The following TANC2 variants were observed in gnomAD, a reference collection of about 807,000 sequenced individuals.
TANC2 encodes tetratricopeptide repeat, ankyrin repeat and coiled-coil containing 2, also known as protein TANC2.
A neutral mutation model predicts 210.5 loss-of-function variants in TANC2; 26 were observed. The ratio of observed to expected loss-of-function variants is 0.12; its 90% CI spans 0.09 to 0.17. TANC2 has a LOEUF of 0.17. TANC2 is among the 10% of genes least tolerant of loss of function. The pLI is 1.00. For missense variants in TANC2, 2,129 were observed against 2,608.9 expected (o/e 0.82, Z 4.01); for synonymous variants, 931 against 967.1 (o/e 0.96, Z 0.69).
intron 11 of TANC2, among the ~76,000 whole-genome samples, chr17:63,333,736 G>A (rs1050576636): frequency 2.6e-5 from 4 of 152,080 alleles, no homozygotes; most frequent in African/African-American, 9.7e-5. Context: ...GCCAATTAAT[G>A]CAGCAAACTT....
intron 14 of TANC2, among the ~76,000 whole-genome samples, chr17:63,363,072 G>A (rs2047012381): frequency 1.3e-5 from 2 of 152,090 alleles, no homozygotes; most frequent in Admixed American, 1.3e-4. Flanking sequence ...ATTTTAACTG[G>A]GATGAGATGA....
chr17:63,036,664 G>A (rs904947430), intron 2 of TANC2, among the ~76,000 whole-genome samples: 11 of 152,012 alleles, frequency 7.2e-5, no homozygotes, highest in African/African-American at 2.7e-4. Context: ...GATTTGGGGT[G>A]GAATTACATT....
intron 1 of TANC2, among the ~76,000 whole-genome samples, chr17:62,997,814 C>T (rs2033188858): frequency 6.6e-6 from 1 of 151,584 alleles, no homozygotes; most frequent in African/African-American, 2.4e-5. Flanking sequence ...GAAACCAGGT[C>T]AAAAATAAGA....
chr17:63,067,440 A>T (rs1427843153), intron 2 of TANC2, among the ~76,000 whole-genome samples: 2 of 151,978 alleles, frequency 1.3e-5, no homozygotes, highest in Non-Finnish European at 2.9e-5. Flanking sequence ...AAAGTCTTAA[A>T]TTTTTATCTC....
At chr17:63,397,933 A>C (rs73327738) in intron 18 of TANC2, among the ~76,000 whole-genome samples, 3,207 of 152,342 alleles carry the variant, frequency 0.021, 104 homozygotes, top group African/African-American at 0.072. Flanking sequence ...GATAATCAGC[A>C]AAACAGCTAC....
intron 14 of TANC2, among the ~76,000 whole-genome samples, chr17:63,369,396 A>G (rs563287377): frequency 5.9e-4 from 90 of 152,256 alleles, no homozygotes; most frequent in Middle Eastern, 3.4e-3. Context: ...CATGTTGGCT[A>G]GGAATGAGTG....
At chr17:63,098,474 ACACACATACACTCTCTCTCTCTCT>A (rs2037484563) in intron 3 of TANC2, among the ~76,000 whole-genome samples, 1 of 40,082 alleles carries the variant, frequency 2.5e-5, no homozygotes, top group Non-Finnish European at 4.9e-5. Flanking sequence ...ACACACACAC[ACACACATACACTCTCTCTCTCTCT>A]CTCTCTCTCT....
intron 14 of TANC2, among the ~76,000 whole-genome samples, chr17:63,374,983 T>C (rs1220584667): frequency 6.6e-6 from 1 of 152,036 alleles, no homozygotes; most frequent in East Asian, 1.9e-4. Flanking sequence ...GCTACTACGT[T>C]TTATGCCTGA....
At chr17:63,328,384 GTGTGTGTGTGTGTGTGTGTGTGTATTCAT>G (rs2045724748) in intron 11 of TANC2, among the ~76,000 whole-genome samples, 1 of 150,268 alleles carries the variant, frequency 6.7e-6, no homozygotes, top group African/African-American at 2.5e-5. Flanking sequence ...ATATGTGTGT[GTGTGTGTGTGTGTGTGTGTGTGTATTCAT>G]TGTGTGTGTG....
intron 1 of TANC2, chr17:62,978,720 AG>A (rs1471571278): frequency 1.3e-5 from 2 of 152,236 alleles, no homozygotes; most frequent in Non-Finnish European, 2.9e-5. Flanking sequence ...AATCTTTTCG[AG>A]GACTTTTTTG....
chr17:63,278,154 T>G (rs2043942780), intron 9 of TANC2, among the ~76,000 whole-genome samples: 1 of 152,146 alleles, frequency 6.6e-6, no homozygotes, highest in African/African-American at 2.4e-5. Context: ...AGGACCTGTC[T>G]TAAGGAGAAG....
intron 11 of TANC2, among the ~76,000 whole-genome samples, chr17:63,331,785 G>A (rs1026343342): frequency 2.0e-5 from 3 of 151,710 alleles, no homozygotes; most frequent in African/African-American, 7.3e-5. Context: ...ACCTTGTACA[G>A]AACAGTGAAA....
At chr17:63,384,074 TTTTTTATA>T (rs372713921) in intron 15 of TANC2, among the ~76,000 whole-genome samples, 11 of 152,132 alleles carry the variant, frequency 7.2e-5, no homozygotes, top group African/African-American at 2.4e-4. Flanking sequence ...TTTAACTTTT[TTTTTTATA>T]TTTTTGGAGA....
In TANC2 at chr17:63,239,523, A is replaced by C. The variant is rs1394512651; in HGVS notation, c.1033+1446A>C. 2.6e-5 allele frequency among the ~76,000 whole-genome samples: 4 copies of C among 152,278 alleles called. No homozygotes were observed. In the South Asian group the frequency reaches 8.3e-4, roughly 32 times the overall value. ...CTTTGTTCTCTGGGAGACCATCAGCATCTGTCATCAGGTGTGATTATAGGG... is the reference window on the plus strand; with the variant it reads ...CTTTGTTCTCTGGGAGACCATCAGCCTCTGTCATCAGGTGTGATTATAGGG... On this transcript the variant is annotated intron_variant, in intron 8 of 27. Coordinates refer to ENST00000689528, the Ensembl canonical transcript of TANC2.
intron 3 of TANC2, among the ~76,000 whole-genome samples, chr17:63,084,238 A>G (rs1248159228): frequency 6.6e-6 from 1 of 152,050 alleles, no homozygotes; most frequent in Admixed American, 6.6e-5. Context: ...GGAATTGGTC[A>G]TTTTATCTAG....
At chr17:63,017,093 G>T (rs1378321244) in intron 2 of TANC2, among the ~76,000 whole-genome samples, 1 of 152,170 alleles carries the variant, frequency 6.6e-6, no homozygotes, top group Non-Finnish European at 1.5e-5. Context: ...TCCATTTGGA[G>T]TAAGTATTTG....
At position 63,066,694 on chromosome 17, in the gene TANC2, G is replaced by A. The variant is rs575751636; in HGVS notation, c.68-7249G>A. Among the ~76,000 whole-genome samples the A allele has an allele frequency of 4.0e-5, 6 of 151,856 alleles. No individual in the cohort carries two copies. In the South Asian group the frequency reaches 1.3e-3, roughly 32 times the overall value. On this transcript the variant is annotated intron_variant, in intron 2 of 27. Coordinates refer to ENST00000689528, the Ensembl canonical transcript of TANC2. ...GAAAGGGGAACCATCCTCTCTGGTGGAGCTATAGTACCAAGAGTTGTCAGG... is the reference window on the plus strand; with the variant it reads ...GAAAGGGGAACCATCCTCTCTGGTGAAGCTATAGTACCAAGAGTTGTCAGG...
chr17:63,221,099 T>C (rs963303940), intron 7 of TANC2, among the ~76,000 whole-genome samples: 1 of 151,870 alleles, frequency 6.6e-6, no homozygotes, highest in Non-Finnish European at 1.5e-5. Flanking sequence ...ATAACTGATG[T>C]TTGACTGCCA....
chr17:63,355,017 C>A (rs748924735), exon 14 of TANC2: 1 of 1,613,878 alleles, frequency 6.2e-7, no homozygotes, highest in Non-Finnish European at 8.5e-7. Flanking sequence ...TACATTTGAC[C>A]TCATAGAGAA....
Sources: gnomAD v4.1 joint callset for allele counts (sites outside exome capture counted in the v4.1 genomes callset) on GRCh38, gnomAD v4.1.1 for gene constraint, MANE v1.5 for transcripts, NCBI Gene and HGNC (gene_info 2026-07-23, HGNC 2026-07-21) for gene names.